MET: variants seen among roughly 807,000 people sequenced by gnomAD.
The protein encoded by MET is MET proto-oncogene, receptor tyrosine kinase, also known as hepatocyte growth factor receptor.
Under a neutral mutation model 133.1 loss-of-function variants are expected in MET, and 48 were observed. The ratio of observed to expected loss-of-function variants is 0.36; its 90% CI spans 0.29 to 0.46. MET has a LOEUF of 0.46. Among genes scored for constraint, MET ranks in the 20% least tolerant of loss-of-function variants. The probability of loss-of-function intolerance (pLI) is 1.00; values close to 1 mark genes in which losing one functional copy is unlikely to be tolerated. For missense variants in MET, 1,442 were observed against 1,695.9 expected (o/e 0.85, Z 2.63); for synonymous variants, 628 against 616.5 (o/e 1.02, Z -0.28).
At chr7:116,684,716 C>G (rs1796485164) in intron 1 of MET, among the ~76,000 whole-genome samples, 1 of 152,100 alleles carries the variant, frequency 6.6e-6, no homozygotes, top group Non-Finnish European at 1.5e-5. Context: ...TGGCCAGAGC[C>G]TAGATTTCTA....
rs371281495 is a variant in MET at position 116,777,346 on chromosome 7, T to C, written c.3260-43T>C. ...GGTTTGATAAATAATTATTTCATAA[T>C]TAAATGTTACGCAGTGCTAACCAAG... On this transcript the variant is annotated intron_variant, in intron 15 of 20. Coordinates refer to ENST00000397752, the MANE Select transcript of MET (RefSeq NM_000245.4). The C allele has an allele frequency of 1.4e-6, 2 of 1,456,774 alleles. No individual in the cohort carries two copies. The highest frequency in any genetic ancestry group is 1.9e-6 in the Non-Finnish European group (2 of 1,036,560). 90.2% of individuals were successfully genotyped at this position (1,456,774 alleles called of 1,614,324 possible).
Position 116,717,390 on chromosome 7 carries a change from C to T in MET, c.1201-14278C>T, listed in dbSNP as rs535621683. Among the ~76,000 whole-genome samples the T allele has an allele frequency of 2.0e-5, 3 of 152,188 alleles. No homozygotes were observed. The South Asian group carries it at 6.2e-4, about 32-fold the overall frequency. ...AGTCAGTTCCACACTGTCCTCTCTC[C>T]CAGTTCTATTTAATAAAAAAAACAC... On this transcript the variant is annotated intron_variant, in intron 2 of 20. Coordinates refer to ENST00000397752, the MANE Select transcript of MET (RefSeq NM_000245.4).
At chr7:116,762,986 A>G (rs1383295696) in intron 10 of MET, 64 bp from the exon 11 acceptor site, 36 of 1,338,092 alleles carry the variant, frequency 2.7e-5, no homozygotes, top group Non-Finnish European at 3.7e-5. Context: ...GGTAAATTAT[A>G]AAGTTGCTAT....
chr7:116,693,341 A>G (rs1425738644), intron 1 of MET, among the ~76,000 whole-genome samples: 1 of 152,226 alleles, frequency 6.6e-6, no homozygotes, highest in African/African-American at 2.4e-5. Context: ...GTGTCAATAC[A>G]GCCACCATGG....
chr7:116,771,335 C>G (rs760718962), intron 12 of MET, among the ~76,000 whole-genome samples, 163 bp from the exon 13 acceptor site: 1 of 152,200 alleles, frequency 6.6e-6, no homozygotes, highest in Admixed American at 6.5e-5. Context: ...ATTATTTGAA[C>G]ACTGGAGCAT....
At chr7:116,679,251 C>T (rs1463408020) in intron 1 of MET, among the ~76,000 whole-genome samples, 2 of 152,106 alleles carry the variant, frequency 1.3e-5, no homozygotes, top group East Asian at 3.8e-4. Context: ...TAGCTAATGT[C>T]AGTTCTTCTA....
At chr7:116,784,963 A>G (rs1246841572) in intron 19 of MET, among the ~76,000 whole-genome samples, 2 of 152,222 alleles carry the variant, frequency 1.3e-5, no homozygotes, top group Non-Finnish European at 2.9e-5. Flanking sequence ...GAATGCTCCC[A>G]TTCCAAACGG....
chr7:116,675,777 C>A (rs1046213948), intron 1 of MET, among the ~76,000 whole-genome samples: 1 of 141,592 alleles, frequency 7.1e-6, no homozygotes, highest in African/African-American at 2.6e-5. Context: ...AATTTCTTTT[C>A]TTTTCTTTTT....
chr7:116,760,026 C>T (rs1160652485), intron 10 of MET, among the ~76,000 whole-genome samples: 1 of 152,212 alleles, frequency 6.6e-6, no homozygotes, highest in Non-Finnish European at 1.5e-5. Flanking sequence ...ATCTGCCCAC[C>T]TCGGCCTCCC....
chr7:116,730,772 G>A lies in MET; in HGVS notation c.1201-896G>A, dbSNP rs144456969. On this transcript the variant is annotated intron_variant, in intron 2 of 20. Transcript: ENST00000397752. ...TCACTGAGGTGTGTAGTGTCCTAAG[G>A]TCAGGCAGGAGGAAGATTGTGGTTT... 1.3e-3 allele frequency among the ~76,000 whole-genome samples: 191 copies of A among 152,268 alleles called. 3 individuals carry two copies. The highest frequency in any genetic ancestry group is 4.4e-3 in the African/African-American group (184 of 41,560).
chr7:116,773,211 G>A (rs563803328), intron 14 of MET, among the ~76,000 whole-genome samples: 1 of 152,206 alleles, frequency 6.6e-6, no homozygotes, highest in African/African-American at 2.4e-5. Context: ...GGTAAAAGAG[G>A]GTCATTTAGA....
chr7:116,715,717 G>A (rs1252666974), intron 2 of MET, among the ~76,000 whole-genome samples: 1 of 152,180 alleles, frequency 6.6e-6, no homozygotes, highest in Non-Finnish European at 1.5e-5. Flanking sequence ...CTTTACAAGT[G>A]AAGAACTGAG....
intron 3 of MET, among the ~76,000 whole-genome samples, chr7:116,737,833 G>A (rs2116815765): frequency 6.6e-6 from 1 of 152,238 alleles, no homozygotes; most frequent in South Asian, 2.1e-4. Flanking sequence ...TATTTGGATG[G>A]GCTTCAGATA....
At chr7:116,714,352 C>T (rs550513490) in intron 2 of MET, among the ~76,000 whole-genome samples, 2 of 152,230 alleles carry the variant, frequency 1.3e-5, no homozygotes, top group South Asian at 2.1e-4. Context: ...AACCCATATA[C>T]ACATATACAT....
At chr7:116,690,756 CCTGTTATCTT>C (rs974610137) in intron 1 of MET, among the ~76,000 whole-genome samples, 27 of 152,254 alleles carry the variant, frequency 1.8e-4, no homozygotes, top group African/African-American at 6.5e-4. Flanking sequence ...CGGAGTTTAT[CCTGTTATCTT>C]CAAATCCACG....
chr7:116,694,921 G>A lies in MET; in HGVS notation c.-14-4150G>A, dbSNP rs188625229. On this transcript the variant is annotated intron_variant, in intron 1 of 20. Transcript: ENST00000397752. ...AGGATGGTTGTGATCTCCTGACCAC[G>A]TGATCCACCCACCTCTGCCTCCCAA... Among the ~76,000 whole-genome samples the A allele has an allele frequency of 1.7e-3, 260 of 152,144 alleles. 1 individual carries two copies. The highest frequency in any genetic ancestry group is 6.0e-3 in the African/African-American group (250 of 41,522).
chr7:116,757,212 G>A (rs1314080905), intron 6 of MET, among the ~76,000 whole-genome samples: 1 of 152,174 alleles, frequency 6.6e-6, no homozygotes, highest in Non-Finnish European at 1.5e-5. Context: ...CAGCCTGGGT[G>A]ACAGAGCAAG....
At chr7:116,696,203 G>A (rs1173114634) in intron 1 of MET, among the ~76,000 whole-genome samples, 6 of 151,970 alleles carry the variant, frequency 3.9e-5, no homozygotes, top group South Asian at 2.1e-4. Flanking sequence ...TTTGAGACTC[G>A]GCTCTAGCAT....
chr7:116,707,927 T>C (rs1424601648), intron 2 of MET, among the ~76,000 whole-genome samples: 1 of 152,178 alleles, frequency 6.6e-6, no homozygotes, highest in Non-Finnish European at 1.5e-5. Flanking sequence ...ACCATTTTAT[T>C]TAGTGCATAA....
Sources: allele counts gnomAD v4.1 joint callset (sites outside exome capture counted in the v4.1 genomes callset), GRCh38; gene constraint gnomAD v4.1.1; transcripts MANE v1.5; gene names NCBI Gene and HGNC (gene_info 2026-07-23, HGNC 2026-07-21).